Variants in EZH1 observed in about 807,000 individuals in gnomAD.
EZH1 encodes enhancer of zeste 1 polycomb repressive complex 2 subunit.
A neutral mutation model predicts 100.5 loss-of-function variants in EZH1; 33 were observed. The observed-to-expected ratio is 0.33, with a 90% confidence interval of 0.25 to 0.44. The LOEUF (loss-of-function observed/expected upper bound fraction) is 0.44. Among genes scored for constraint, EZH1 ranks in the 20% least tolerant of loss-of-function variants. The probability of loss-of-function intolerance (pLI) is 1.00; values close to 1 mark genes in which losing one functional copy is unlikely to be tolerated. For synonymous variants in EZH1, 272 were observed against 313.8 expected (o/e 0.87, Z 1.41); for missense variants, 475 against 928.4 (o/e 0.51, Z 6.35).
intron 1 of EZH1, among the ~76,000 whole-genome samples, chr17:42,742,211 C>T (rs1447712035): frequency 6.0e-5 from 9 of 151,138 alleles, no homozygotes; most frequent in African/African-American, 2.2e-4. Flanking sequence ...GGTGCAATCT[C>T]AGCTCACTGC....
At chr17:42,739,527 T>C (rs2054135476) in intron 1 of EZH1, among the ~76,000 whole-genome samples, 1 of 151,948 alleles carries the variant, frequency 6.6e-6, no homozygotes, top group Non-Finnish European at 1.5e-5. Context: ...AGGACAGGGG[T>C]TCGAGACCAG....
intron 4 of EZH1, among the ~76,000 whole-genome samples, chr17:42,724,773 CAAGAAAAAA>C (rs369585903): frequency 0.011 from 1,515 of 137,124 alleles, 25 homozygotes; most frequent in African/African-American, 0.039. Context: ...GACTCTGTCT[CAAGAAAAAA>C]AAGAAAAAAA....
At position 42,718,941 on chromosome 17, in the gene EZH1, G is replaced by C. The variant is rs1477336912; in HGVS notation, c.767+164C>G. On this transcript the variant is annotated intron_variant, in intron 8 of 20. Coordinates refer to ENST00000428826, the MANE Select transcript of EZH1 (RefSeq NM_001991.5). This position sits in a 1 kb window ranked among gnomAD's most constrained non-coding sequence, Gnocchi z 4.2. ...TATACGATGACCCTTAATATAGTAA[G>C]GGGGGCATTTAGAGGTAATTGAGTA... 2.6e-5 allele frequency among the ~76,000 whole-genome samples: 4 copies of C among 152,254 alleles called. No homozygotes were observed. The East Asian group carries it at 5.8e-4, about 22-fold the overall frequency.
At chr17:42,740,342 C>T (rs2054153887) in intron 1 of EZH1, among the ~76,000 whole-genome samples, 3 of 151,558 alleles carry the variant, frequency 2.0e-5, no homozygotes, top group Admixed American at 6.6e-5. Flanking sequence ...CGGGTTCAAG[C>T]GATTCTCCTG....
chr17:42,733,032 CAAAA>C (rs35232752), intron 1 of EZH1, among the ~76,000 whole-genome samples: 1 of 103,236 alleles, frequency 9.7e-6, no homozygotes, highest in Non-Finnish European at 2.0e-5. Flanking sequence ...ACCATCTCTA[CAAAA>C]AAAAAAAAAA....
Position 42,718,800 on chromosome 17 carries a change from T to C in EZH1, c.768-183A>G, listed in dbSNP as rs1364963551. Among the ~76,000 whole-genome samples the C allele has an allele frequency of 6.6e-6, 1 of 151,958 alleles. No homozygotes were observed. Among genetic ancestry groups the C allele is most frequent in the Non-Finnish European group, 1.5e-5 (1 of 67,978 alleles). ...GGTCCACCATTGTAATTATGCTGGG[T>C]TGGGCAAATGTTGGAAAGTAAGGGG... On this transcript the variant is annotated intron_variant, in intron 8 of 20. Coordinates refer to ENST00000428826, the MANE Select transcript of EZH1 (RefSeq NM_001991.5). This position sits in a 1 kb window ranked among gnomAD's most constrained non-coding sequence, Gnocchi z 4.2.
intron 12 of EZH1, among the ~76,000 whole-genome samples, chr17:42,710,625 G>GTTTTTTTTTT (rs1347789208): frequency 1.7e-5 from 2 of 121,182 alleles, no homozygotes; most frequent in African/African-American, 3.0e-5. Context: ...TTCTGTTTTT[G>GTTTTTTTTTT]TTTGTTTTTT....
At position 42,724,359 on chromosome 17, in the gene EZH1, T is replaced by C. The variant is rs1033179692; in HGVS notation, c.312A>G (p.Thr104=). ...AATACATGATGGGAACCAATGCAAC[T>C]GTGTTCAGTGACCTCATTAACATAT... ...SQHMLMRSLN[T]VALVPIMYSW... The change falls in exon 5 of 21, where the codon ACA becomes ACG. Residue 104 remains threonine (T), a synonymous_variant. Coordinates refer to ENST00000428826, the MANE Select transcript of EZH1 (RefSeq NM_001991.5). The C allele has an allele frequency of 6.2e-7, 1 of 1,614,084 alleles. No homozygotes were observed. The highest frequency in any genetic ancestry group is 8.5e-7 in the Non-Finnish European group (1 of 1,179,972).
At position 42,702,255 on chromosome 17, in the gene EZH1, C is replaced by T. The variant is rs1462109081; in HGVS notation, c.*277G>A. 7.7e-6 allele frequency: 3 copies of T among 389,224 alleles called. No homozygotes were observed. The highest frequency in any genetic ancestry group is 4.0e-5 in the Admixed American group (1 of 24,712). The allele number at this position is 389,224 out of a possible 1,614,324, so 24.1% of individuals were successfully genotyped here. On this transcript the variant is annotated 3_prime_UTR_variant, in exon 21 of 21. Coordinates refer to ENST00000428826, the MANE Select transcript of EZH1 (RefSeq NM_001991.5). ...CACGAAATCACGCATAAGTCATCCA[C>T]CCCAGCCTGTGCTCGCTTCTTCTGA...
chr17:42,732,204 G>A (rs909994263), intron 1 of EZH1, among the ~76,000 whole-genome samples: 2 of 152,086 alleles, frequency 1.3e-5, no homozygotes, highest in African/African-American at 2.4e-5. Flanking sequence ...GCTCATGCCT[G>A]TAATTCCAAC....
chr17:42,719,788 G>A (rs1375830796), intron 7 of EZH1, among the ~76,000 whole-genome samples: 2 of 151,984 alleles, frequency 1.3e-5, no homozygotes, highest in Admixed American at 1.3e-4. Context: ...ATTTGGAGGT[G>A]AAAAGAGTGT....
At position 42,718,112 on chromosome 17, in the gene EZH1, A is replaced by G; in HGVS notation, c.932-45T>C. On this transcript the variant is annotated intron_variant, in intron 9 of 20. Coordinates refer to ENST00000428826, the MANE Select transcript of EZH1 (RefSeq NM_001991.5). This position sits in a 1 kb window ranked among gnomAD's most constrained non-coding sequence, Gnocchi z 4.2. ...TTGTTGCCAGTGGTCTATCCACTTG[A>G]CAAGATGGGGAGAAACAAAAGTGAA... 2 of 1,520,884 alleles carry G rather than the reference A, an allele frequency of 1.3e-6. No homozygotes were observed. The highest frequency in any genetic ancestry group is 1.8e-6 in the Non-Finnish European group (2 of 1,097,154). The allele number at this position is 1,520,884 out of a possible 1,614,324, so 94.2% of individuals were successfully genotyped here. A position where few individuals can be genotyped will look rare whatever the true frequency, so the allele number is the denominator to read the frequency against.
At position 42,720,352 on chromosome 17, in the gene EZH1, A is replaced by C; in HGVS notation, c.585T>G (p.Asn195Lys). The C allele has an allele frequency of 1.2e-6, 2 of 1,614,168 alleles. No homozygotes were observed. The highest frequency in any genetic ancestry group is 1.7e-6 in the Non-Finnish European group (2 of 1,180,038). The change falls in exon 7 of 21, where the codon AAT becomes AAG. Residue 195 changes from asparagine to lysine, a missense_variant. Physicochemically the swap from Asn to Lys is moderately conservative, Grantham distance 94 (BLOSUM62 0). This residue lies in a region of EZH1 where 180 missense variants were observed against 295.3 expected (regional missense o/e 0.61). Transcript: ENST00000428826. The stretch of plus-strand genomic sequence containing the variant: ...CATCCTGCTTTCCATCTGAGGTGTC[A>C]TTGTGCCCTTCCTCCTCCTCATCTG... ...QYSDEEEEGH[N>K]DTSDGKQDDS... is the part of the protein sequence containing the mutation.
In EZH1 at chr17:42,708,045, C is replaced by T; in HGVS notation, c.1573G>A (p.Asp525Asn). The change falls in exon 15 of 21, where the codon GAC becomes AAC. Residue 525 changes from aspartate (D) to asparagine (N), a missense_variant. Asp to Asn is a conservative substitution (Grantham distance 23). Around this residue, in one of 8 missense-constraint regions of EZH1, gnomAD observed 83 missense variants for 142.1 expected, o/e 0.58. Coordinates refer to ENST00000428826, the MANE Select transcript of EZH1 (RefSeq NM_001991.5). ...STQVYNYQPC[D>N]HPDRPCDSTC... is the part of the protein sequence containing the mutation. ...CTGTCACAGGGGCGGTCTGGGTGGT[C>T]GCAGGGTTGGTAGTTGTACACTTGT... 1 of 1,612,004 alleles carries T rather than the reference C, an allele frequency of 6.2e-7. No homozygotes were observed. Among genetic ancestry groups the T allele is most frequent in the Non-Finnish European group, 8.5e-7 (1 of 1,179,466 alleles).
chr17:42,711,376 G>A (rs149632225), intron 12 of EZH1, among the ~76,000 whole-genome samples: 43 of 152,264 alleles, frequency 2.8e-4, no homozygotes, highest in African/African-American at 9.6e-4. Flanking sequence ...GGGAGGCTGT[G>A]GCAGAAGAAT....
Position 42,724,517 on chromosome 17 carries a change from GCTCAT to G in EZH1, c.247-98_247-94del. On this transcript the variant is annotated intron_variant, in intron 4 of 20. Coordinates refer to ENST00000428826, the MANE Select transcript of EZH1 (RefSeq NM_001991.5). ...CTTCCAAAATTGGCTGGGCATAGTG[GCTCAT>G]GCCAGTAATCCCAGCACTTTGGGAG... 2.7e-6 allele frequency: 4 copies of G among 1,463,104 alleles called. No homozygotes were observed. The South Asian group carries it at 4.8e-5, about 18-fold the overall frequency. The allele number at this position is 1,463,104 out of a possible 1,614,324, so 90.6% of individuals were successfully genotyped here.
intron 1 of EZH1, among the ~76,000 whole-genome samples, chr17:42,739,673 G>A (rs1192301869): frequency 1.3e-5 from 2 of 151,990 alleles, no homozygotes; most frequent in Admixed American, 6.6e-5. Flanking sequence ...GTTGCAATGA[G>A]CTGAGATCGT....
At chr17:42,724,459 C>T (rs199581556) in intron 4 of EZH1, 35 bp from the exon 5 acceptor site, 612 of 1,608,024 alleles carry the variant, frequency 3.8e-4, no homozygotes, top group Non-Finnish European at 4.9e-4. Context: ...GAGGGAAAGA[C>T]GGGCATATAA....
chr17:42,740,359 C>T (rs1391819702), intron 1 of EZH1, among the ~76,000 whole-genome samples: 2 of 152,056 alleles, frequency 1.3e-5, no homozygotes, highest in Admixed American at 6.6e-5. Flanking sequence ...CCTGCCTCAG[C>T]CTCCCGCGTA....
Sources: gnomAD v4.1 joint callset for allele counts (sites outside exome capture counted in the v4.1 genomes callset) on GRCh38, gnomAD v4.1.1 for gene constraint, gnomAD v4.1.1 regional missense constraint, Gnocchi (gnomAD v3.1) non-coding constraint, MANE v1.5 for transcripts, NCBI Gene and HGNC (gene_info 2026-07-23, HGNC 2026-07-21) for gene names.